Variants in PCDH15 observed in about 807,000 individuals in gnomAD.
PCDH15 encodes protocadherin related 15.
Under a neutral mutation model 178.5 loss-of-function variants are expected in PCDH15, and 129 were observed. The observed-to-expected ratio is 0.72, with a 90% CI of 0.63 to 0.84. The LOEUF is 0.84. Ranked by LOEUF, PCDH15 falls within the 40% of genes least tolerant of loss-of-function variation. The pLI is 0.00. For missense variants in PCDH15, 2,230 were observed against 2,099.9 expected (o/e 1.06, Z -1.21); for synonymous variants, 800 against 732.0 (o/e 1.09, Z -1.50).
intron 3 of PCDH15, among the ~76,000 whole-genome samples, chr10:54,811,759 G>A (rs1478832427): frequency 2.0e-5 from 3 of 152,100 alleles, no homozygotes; most frequent in Non-Finnish European, 2.9e-5. Flanking sequence ...GTGAGCCACC[G>A]CACCTGGCCA....
intron 2 of PCDH15, among the ~76,000 whole-genome samples, chr10:54,598,993 A>C (rs554579807): frequency 0.017 from 2,609 of 152,212 alleles, 40 homozygotes; most frequent in South Asian, 0.047. Flanking sequence ...ATAAATTTAA[A>C]AAAAAATTCT....
intron 2 of PCDH15, among the ~76,000 whole-genome samples, chr10:54,579,623 C>T (rs1478070535): frequency 1.3e-5 from 2 of 152,044 alleles, no homozygotes; most frequent in East Asian, 3.9e-4. Flanking sequence ...TGACACTTCA[C>T]CAGTTGGACC....
At chr10:54,378,462 T>C (rs1948765263) in intron 4 of PCDH15, among the ~76,000 whole-genome samples, 1 of 152,116 alleles carries the variant, frequency 6.6e-6, no homozygotes, top group Admixed American at 6.6e-5. Context: ...ATGTTGCCAT[T>C]GTTGGACAGA....
intron 1 of PCDH15, among the ~76,000 whole-genome samples, chr10:55,298,378 G>T (rs2132275184): frequency 6.6e-6 from 1 of 152,266 alleles, no homozygotes; most frequent in South Asian, 2.1e-4. Flanking sequence ...TGAAAGAAAG[G>T]ACATATGAAA....
chr10:53,819,731 C>A (rs916033279), intron 33 of PCDH15, among the ~76,000 whole-genome samples: 1 of 151,788 alleles, frequency 6.6e-6, no homozygotes, highest in Non-Finnish European at 1.5e-5. Flanking sequence ...AGGTTGTAAG[C>A]AGTTAGGGTT....
chr10:54,735,234 A>G (rs60226575), intron 1 of PCDH15, among the ~76,000 whole-genome samples: 19,078 of 152,022 alleles, frequency 0.13, 1,356 homozygotes, highest in African/African-American at 0.18. Context: ...CTTTTGACCA[A>G]TTTGGTTAAT....
At chr10:54,630,905 C>A (rs763401239) in intron 2 of PCDH15, among the ~76,000 whole-genome samples, 1 of 152,096 alleles carries the variant, frequency 6.6e-6, no homozygotes, top group Non-Finnish European at 1.5e-5. Flanking sequence ...AAATGACAAA[C>A]CCTCTACATC....
chr10:54,027,880 G>T (rs1179038047), intron 18 of PCDH15, among the ~76,000 whole-genome samples: 1 of 147,426 alleles, frequency 6.8e-6, no homozygotes, highest in East Asian at 2.0e-4. Flanking sequence ...CATAGGCATG[G>T]GCAAGGACTT....
At chr10:53,855,926 G>GTA (rs2078708415) in intron 28 of PCDH15, among the ~76,000 whole-genome samples, 1 of 98,788 alleles carries the variant, frequency 1.0e-5, no homozygotes, top group Admixed American at 1.0e-4. Flanking sequence ...ATATATGTAT[G>GTA]TGTGTGTGTG....
Position 54,977,756 on chromosome 10 carries a change from C to G in PCDH15, c.-79-80256G>C, listed in dbSNP as rs150791654. Among the ~76,000 whole-genome samples, 828 of 152,206 alleles carry G rather than the reference C, an allele frequency of 5.4e-3. 5 individuals carry two copies. Among genetic ancestry groups the G allele is most frequent in the African/African-American group, 0.019 (786 of 41,516 alleles). ...TCTTTCTTGTGCAAGATCCAATAAC[C>G]CTCTCTTGGGGTCTGGATCAGGATC... On this transcript the variant is annotated intron_variant, in intron 2 of 5. Transcript: ENST00000458638.
chr10:55,007,562 T>G (rs1013023771), intron 2 of PCDH15, among the ~76,000 whole-genome samples: 1 of 152,210 alleles, frequency 6.6e-6, no homozygotes, highest in Non-Finnish European at 1.5e-5. Context: ...GTAAATATTT[T>G]AGGCATTTGG....
intron 2 of PCDH15, among the ~76,000 whole-genome samples, chr10:54,657,717 T>C (rs1309229164): frequency 6.6e-6 from 1 of 152,120 alleles, no homozygotes; most frequent in African/African-American, 2.4e-5. Flanking sequence ...AAATAAATGA[T>C]AGAAAATTCA....
Position 54,001,205 on chromosome 10 carries a change from A to G in PCDH15, c.2752-5440T>C, listed in dbSNP as rs189330730. ...AATTCTAAAGAAAGTTCTTCAATAA[A>G]AAAAGAAAGTTCGTGAGTAATAAGA... is the stretch of plus-strand genomic sequence containing the variant. On this transcript the variant is annotated intron_variant, in intron 20 of 37. Transcript: ENST00000644397. 1.9e-4 allele frequency among the ~76,000 whole-genome samples: 29 copies of G among 152,310 alleles called. No individual in the cohort carries two copies. The East Asian group carries it at 4.8e-3, about 25-fold the overall frequency.
chr10:54,866,740 T>A (rs925380273), intron 3 of PCDH15, among the ~76,000 whole-genome samples: 1 of 151,830 alleles, frequency 6.6e-6, no homozygotes, highest in Non-Finnish European at 1.5e-5. Context: ...TTATGTTACA[T>A]CCCTTTAACC....
intron 21 of PCDH15, among the ~76,000 whole-genome samples, chr10:53,963,612 C>T (rs900002479): frequency 6.7e-6 from 1 of 148,366 alleles, no homozygotes; most frequent in Non-Finnish European, 1.5e-5. Context: ...CACAGATATG[C>T]TATTTTCAAA....
intron 5 of PCDH15, among the ~76,000 whole-genome samples, chr10:54,352,173 A>G (rs892974817): frequency 6.6e-6 from 1 of 152,248 alleles, no homozygotes; most frequent in East Asian, 1.9e-4. Flanking sequence ...ATACTAAAAA[A>G]TGATTTCTGA....
intron 3 of PCDH15, among the ~76,000 whole-genome samples, chr10:54,500,503 G>A (rs1037205892): frequency 1.3e-5 from 2 of 152,058 alleles, no homozygotes; most frequent in Admixed American, 6.6e-5. Flanking sequence ...TGTCACTTAG[G>A]AGAGGACAGG....
At chr10:54,167,555 CA>C (rs1219075790) in intron 13 of PCDH15, among the ~76,000 whole-genome samples, 1 of 152,048 alleles carries the variant, frequency 6.6e-6, no homozygotes, top group African/African-American at 2.4e-5. Flanking sequence ...CTTGGTCCTT[CA>C]CCCTTAGCGG....
intron 2 of PCDH15, among the ~76,000 whole-genome samples, chr10:55,150,136 G>A (rs1026392040): frequency 2.6e-5 from 4 of 151,898 alleles, no homozygotes; most frequent in Non-Finnish European, 4.4e-5. Flanking sequence ...GAGAAGACAA[G>A]AGAAGAGGAG....
Sources: allele counts gnomAD v4.1 joint callset (sites outside exome capture counted in the v4.1 genomes callset), GRCh38; gene constraint gnomAD v4.1.1; transcripts MANE v1.5; gene names NCBI Gene and HGNC (gene_info 2026-07-23, HGNC 2026-07-21).